UGT1A8: variants seen among roughly 807,000 people sequenced by gnomAD.
UGT1A8 encodes the protein UDP-glucuronosyltransferase 1A8.
A neutral mutation model predicts 45.3 loss-of-function variants in UGT1A8; 39 were observed. That is an observed-to-expected ratio of 0.86 (90% CI 0.67 to 1.12). UGT1A8 has a LOEUF of 1.12. Among genes scored for constraint, UGT1A8 ranks in the 50% most tolerant of loss-of-function variants. UGT1A8 has a pLI of 0.00. For synonymous variants in UGT1A8, 275 were observed against 249.2 expected (o/e 1.10, Z -0.97); for missense variants, 719 against 664.9 (o/e 1.08, Z -0.90).
chr2:233,658,264 G>A (rs1015835106), intron 1 of UGT1A8, among the ~76,000 whole-genome samples: 10 of 152,060 alleles, frequency 6.6e-5, no homozygotes, highest in Non-Finnish European at 1.3e-4. Context: ...AGAGACCCAC[G>A]GACCTTGGCC....
At chr2:233,732,721 G>C (rs2078305544) in intron 1 of UGT1A8, among the ~76,000 whole-genome samples, 1 of 147,538 alleles carries the variant, frequency 6.8e-6, no homozygotes, top group South Asian at 2.1e-4. Context: ...TTGTAGTACA[G>C]TTTGAAGTCA....
At position 233,618,055 on chromosome 2, in the gene UGT1A8, T is replaced by A; in HGVS notation, c.348T>A (p.Phe116Leu). Residue 116 changes from phenylalanine to leucine, a missense_variant, in exon 1 of 5, where the codon TTT (phenylalanine) becomes TTA (leucine). Coordinates refer to ENST00000373450, the MANE Select transcript of UGT1A8 (RefSeq NM_019076.5). ...FSLFLSSSNGFFNLFFSHCRS... is the reference protein window; with the variant it reads ...FSLFLSSSNGLFNLFFSHCRS... ...TATTTCTGAGTTCATCCAATGGTTT[T>A]TTTAACTTATTTTTTTCGCATTGCA... 1 of 1,614,024 alleles carries A rather than the reference T, an allele frequency of 6.2e-7. No individual in the cohort carries two copies. Among genetic ancestry groups the A allele is most frequent in the Non-Finnish European group, 8.5e-7 (1 of 1,180,002 alleles).
chr2:233,755,003 C>T (rs10929301), intron 1 of UGT1A8: 15 of 1,287,722 alleles, frequency 1.2e-5, no homozygotes, highest in Non-Finnish European at 1.6e-5. Flanking sequence ...AGCTGAAGAC[C>T]TACTCGAAGG....
intron 1 of UGT1A8, chr2:233,648,778 T>A (rs2073667735): frequency 2.4e-6 from 2 of 841,180 alleles, no homozygotes; most frequent in Non-Finnish European, 3.6e-6. Flanking sequence ...TGCCATGACT[T>A]TTAAGGAGAG....
At chr2:233,746,036 T>C (rs1289078597) in intron 1 of UGT1A8, among the ~76,000 whole-genome samples, 1 of 151,694 alleles carries the variant, frequency 6.6e-6, no homozygotes, top group South Asian at 2.1e-4. Context: ...ACTTACTTGC[T>C]GGCTTGGATG....
intron 1 of UGT1A8, chr2:233,693,968 G>A (rs1467936379): frequency 1.3e-6 from 2 of 1,572,252 alleles, no homozygotes; most frequent in South Asian, 1.2e-5. Flanking sequence ...GGATTTCCTG[G>A]AGAAACGGTG....
At chr2:233,652,415 A>G (rs577309432) in intron 1 of UGT1A8, among the ~76,000 whole-genome samples, 1 of 152,288 alleles carries the variant, frequency 6.6e-6, no homozygotes, top group South Asian at 2.1e-4. Flanking sequence ...TTAAAAATAA[A>G]TTTTGGCTAT....
intron 1 of UGT1A8, among the ~76,000 whole-genome samples, chr2:233,726,446 C>T (rs1475095997): frequency 6.6e-6 from 1 of 152,204 alleles, no homozygotes; most frequent in African/African-American, 2.4e-5. Context: ...ATTCTTTCCA[C>T]TGAATGTAAG....
rs898843151 is a variant in UGT1A8 at position 233,691,697 on chromosome 2, G to A, written c.855+73135G>A. On this transcript the variant is annotated intron_variant, in intron 1 of 4. Transcript: ENST00000373450. ...TTGAGAAACCTGAAGCTCAGGAGAG[G>A]AGTCACTCCCCTGGCAGATGGGTGG... 9.0e-6 allele frequency: 6 copies of A among 668,066 alleles called. No individual in the cohort carries two copies. The African/African-American group carries it at 1.2e-4, about 13-fold the overall frequency. The allele number at this position is 668,066 out of a possible 1,614,324, so 41.4% of individuals were successfully genotyped here. A position where few individuals can be genotyped will look rare whatever the true frequency, so the allele number is the denominator to read the frequency against.
chr2:233,769,089 A>G lies in UGT1A8; in HGVS notation c.1295+650A>G, dbSNP rs1396019687. Among the ~76,000 whole-genome samples the G allele has an allele frequency of 1.3e-5, 2 of 152,242 alleles. No individual in the cohort carries two copies. The highest frequency in any genetic ancestry group is 4.8e-5 in the African/African-American group (2 of 41,460). ...AGAAATACTCCATTATAAGAAGCAT[A>G]GTATCTTTAAGAGAAAAACAACTCA... On this transcript the variant is annotated intron_variant, in intron 4 of 4. Transcript: ENST00000373450. The surrounding 1 kb of genome is among the most constrained non-coding windows in gnomAD (Gnocchi z 4.4).
intron 1 of UGT1A8, chr2:233,747,628 G>A (rs767343717): frequency 1.6e-4 from 253 of 1,579,014 alleles, no homozygotes; most frequent in Non-Finnish European, 2.0e-4. Flanking sequence ...GCCCTGATCA[G>A]GCACCTGAAT....
intron 1 of UGT1A8, among the ~76,000 whole-genome samples, chr2:233,670,499 T>G (rs982647934): frequency 6.6e-6 from 1 of 152,252 alleles, no homozygotes; most frequent in Admixed American, 6.5e-5. Flanking sequence ...AAAAGTAGTC[T>G]TAATAATTGG....
chr2:233,772,354 T>A lies in UGT1A8; in HGVS notation c.1388T>A (p.Met463Lys). The change falls in exon 5 of 5, where the codon ATG becomes AAG. Residue 463 changes from methionine (M) to lysine (K), a missense_variant. Coordinates refer to ENST00000373450, the MANE Select transcript of UGT1A8 (RefSeq NM_019076.5). Reference sequence around the variant, plus strand: ...GCCGTGTTCTGGGTGGAGTTTGTGATGAGGCACAAGGGCGCGCCACACCTG... The same window carrying A: ...GCCGTGTTCTGGGTGGAGTTTGTGAAGAGGCACAAGGGCGCGCCACACCTG... ...DLAVFWVEFVMRHKGAPHLRP... is the reference protein window; with the variant it reads ...DLAVFWVEFVKRHKGAPHLRP... 1.2e-6 allele frequency: 2 copies of A among 1,614,252 alleles called. No homozygotes were observed. The highest frequency in any genetic ancestry group is 1.7e-6 in the Non-Finnish European group (2 of 1,180,050).
In UGT1A8 at chr2:233,642,376, A is replaced by G. The variant is rs2073474805; in HGVS notation, c.855+23814A>G. The stretch of plus-strand genomic sequence containing the variant: ...TGCTTGATTCTTTCTAATGATTTCA[A>G]TCTCTTTGTTAAATTTATATGCTGG... On this transcript the variant is annotated intron_variant, in intron 1 of 4. Coordinates refer to ENST00000373450, the MANE Select transcript of UGT1A8 (RefSeq NM_019076.5). Among the ~76,000 whole-genome samples the G allele has an allele frequency of 2.0e-5, 3 of 152,178 alleles. No homozygotes were observed. In the South Asian group the frequency reaches 6.2e-4, roughly 32 times the overall value.
At position 233,665,929 on chromosome 2, in the gene UGT1A8, T is replaced by C. The variant is rs367596910; in HGVS notation, c.855+47367T>C. On this transcript the variant is annotated intron_variant, in intron 1 of 4. Coordinates refer to ENST00000373450, the MANE Select transcript of UGT1A8 (RefSeq NM_019076.5). ...TGCATATGAGAGGTCCAGCTGTTCA[T>C]ACTCACCAACACTGGATGTCTTAGT... Among the ~76,000 whole-genome samples, 6 of 152,314 alleles carry C rather than the reference T, an allele frequency of 3.9e-5. No individual in the cohort carries two copies. The East Asian group carries it at 5.8e-4, about 15-fold the overall frequency.
chr2:233,625,294 T>C (rs1056836085), intron 1 of UGT1A8, among the ~76,000 whole-genome samples: 17 of 152,144 alleles, frequency 1.1e-4, no homozygotes, highest in African/African-American at 4.1e-4. Context: ...AAACAATAGA[T>C]GCTTGTGAAG....
At chr2:233,761,146 T>A in intron 1 of UGT1A8, 1 of 1,614,232 alleles carries the variant, frequency 6.2e-7, no homozygotes, top group Non-Finnish European at 8.5e-7. Flanking sequence ...AAATCCACTA[T>A]CCCAGGTGTG....
intron 1 of UGT1A8, chr2:233,648,851 C>A: frequency 8.4e-7 from 1 of 1,190,110 alleles, no homozygotes; most frequent in Non-Finnish European, 1.2e-6. Context: ...TTCAAAAATG[C>A]CTTAAACATA....
rs45510694 is a variant in UGT1A8, at chr2:233,718,970, G to C, written c.856-48064G>C. ...TCAGCATGCGGGAGGCCTTGCGGGA[G>C]CTCCATGCCAGAGGCCACCAGGCGG... On this transcript the variant is annotated intron_variant, in intron 1 of 4. Coordinates refer to ENST00000373450, the MANE Select transcript of UGT1A8 (RefSeq NM_019076.5). 4.6e-4 allele frequency: 737 copies of C among 1,614,150 alleles called. 2 individuals are homozygous for C. Among genetic ancestry groups the C allele is most frequent in the Middle Eastern group, 3.8e-3 (23 of 6,058 alleles).
Sources: gnomAD v4.1 joint callset for allele counts (sites outside exome capture counted in the v4.1 genomes callset) on GRCh38, gnomAD v4.1.1 for gene constraint, Gnocchi (gnomAD v3.1) non-coding constraint, MANE v1.5 for transcripts, NCBI Gene and HGNC (gene_info 2026-07-23, HGNC 2026-07-21) for gene names.